The following ABLIM1 variants were observed in gnomAD, a reference collection of about 807,000 sequenced individuals.
ABLIM1 encodes actin binding LIM protein 1.
A neutral mutation model predicts 107.0 loss-of-function variants in ABLIM1; 40 were observed. That is an observed-to-expected ratio of 0.37 (90% CI 0.29 to 0.49). ABLIM1 has a LOEUF of 0.49. ABLIM1 is among the 20% of genes least tolerant of loss of function. The probability of loss-of-function intolerance (pLI) is 0.97; values close to 1 mark genes in which losing one functional copy is unlikely to be tolerated. For missense variants in ABLIM1, 857 were observed against 1,008.5 expected (o/e 0.85, Z 2.04); for synonymous variants, 357 against 357.3 (o/e 1.00, Z 0.01).
chr10:114,730,827 C>T (rs932296469), intron 1 of ABLIM1, among the ~76,000 whole-genome samples: 1 of 152,070 alleles, frequency 6.6e-6, no homozygotes, highest in Non-Finnish European at 1.5e-5. Flanking sequence ...CATTCCCCCT[C>T]CTCCAGGCCA....
intron 1 of ABLIM1, among the ~76,000 whole-genome samples, chr10:114,739,621 T>C (rs1159862666): frequency 6.6e-6 from 1 of 152,232 alleles, no homozygotes; most frequent in Non-Finnish European, 1.5e-5. Flanking sequence ...TTTCCCATCA[T>C]ATATGCATTG....
chr10:114,481,812 G>A (rs548254580), intron 8 of ABLIM1, among the ~76,000 whole-genome samples: 1 of 152,230 alleles, frequency 6.6e-6, no homozygotes, highest in African/African-American at 2.4e-5. Context: ...GTGAAAGCTG[G>A]GAGTAAAACA....
chr10:114,493,293 C>A (rs2059248764), intron 6 of ABLIM1, among the ~76,000 whole-genome samples: 1 of 152,168 alleles, frequency 6.6e-6, no homozygotes, highest in African/African-American at 2.4e-5. Context: ...TCCGGGCAAT[C>A]TCTGGACTCT....
intron 1 of ABLIM1, among the ~76,000 whole-genome samples, chr10:114,712,583 C>T (rs2081577068): frequency 6.6e-6 from 1 of 152,152 alleles, no homozygotes; most frequent in South Asian, 2.1e-4. Flanking sequence ...ACCCAGCTCC[C>T]CGAAGCCATG....
At chr10:114,726,966 T>A (rs2081974032) in intron 1 of ABLIM1, among the ~76,000 whole-genome samples, 1 of 152,202 alleles carries the variant, frequency 6.6e-6, no homozygotes, top group Non-Finnish European at 1.5e-5. Context: ...CAATTCAACT[T>A]GGTCTACCTT....
chr10:114,466,517 C>T (rs2065199423), intron 11 of ABLIM1, among the ~76,000 whole-genome samples: 1 of 152,064 alleles, frequency 6.6e-6, no homozygotes, highest in Non-Finnish European at 1.5e-5. Flanking sequence ...AAACATGGTT[C>T]CAAGCTGGTA....
At chr10:114,781,020 C>G in the ABLIM1 span, among the ~76,000 whole-genome samples, 7 of 152,280 alleles carry the variant, frequency 4.6e-5, no homozygotes, top group Non-Finnish European at 8.8e-5. Context: ...ACTCTGGTAG[C>G]CCCGTGGTTG....
At chr10:114,609,640 C>G (rs970477761) in intron 1 of ABLIM1, among the ~76,000 whole-genome samples, 3 of 152,182 alleles carry the variant, frequency 2.0e-5, no homozygotes, top group African/African-American at 7.2e-5. Context: ...CTATACTTCT[C>G]AGTTCAATGT....
intron 1 of ABLIM1, among the ~76,000 whole-genome samples, chr10:114,766,169 T>C (rs2082888265): frequency 6.6e-6 from 1 of 152,214 alleles, no homozygotes; most frequent in Non-Finnish European, 1.5e-5. Flanking sequence ...GGGGAGGTAA[T>C]AACAATAGCT....
intron 4 of ABLIM1, among the ~76,000 whole-genome samples, chr10:114,560,322 A>C (rs1440868411): frequency 6.6e-6 from 1 of 152,242 alleles, no homozygotes; most frequent in Non-Finnish European, 1.5e-5. Context: ...CCATAAAGAA[A>C]TGAAGTACAG....
intron 1 of ABLIM1, among the ~76,000 whole-genome samples, chr10:114,626,880 C>T (rs943289026): frequency 1.3e-5 from 2 of 152,058 alleles, no homozygotes; most frequent in South Asian, 4.2e-4. Flanking sequence ...GGGAGAATGC[C>T]CTGTGAACAT....
chr10:114,596,241 T>C (rs554429510), intron 2 of ABLIM1, among the ~76,000 whole-genome samples: 2 of 152,362 alleles, frequency 1.3e-5, no homozygotes, highest in Non-Finnish European at 2.9e-5. Flanking sequence ...CCTCCTGGCC[T>C]GCATGCTATG....
chr10:114,505,696 C>T (rs1369570828), intron 6 of ABLIM1, among the ~76,000 whole-genome samples: 1 of 152,184 alleles, frequency 6.6e-6, no homozygotes, highest in Non-Finnish European at 1.5e-5. Flanking sequence ...GATCCCAATT[C>T]AGTGGGATTC....
At chr10:114,776,914 A>G in the ABLIM1 span, among the ~76,000 whole-genome samples, 12 of 152,304 alleles carry the variant, frequency 7.9e-5, no homozygotes, top group African/African-American at 2.6e-4. Flanking sequence ...CATCACACCC[A>G]GCCTAAAATG....
intron 8 of ABLIM1, chr10:114,485,353 C>G: frequency 6.2e-7 from 1 of 1,612,518 alleles, no homozygotes. Flanking sequence ...TAAAAGAAAT[C>G]GGATGAAGAA....
the ABLIM1 span, among the ~76,000 whole-genome samples, chr10:114,792,281 A>G: frequency 4.6e-5 from 7 of 152,180 alleles, no homozygotes; most frequent in Non-Finnish European, 1.0e-4. Context: ...AGATCACACC[A>G]CTGCATTCTA....
chr10:114,571,482 C>T (rs1290884651), intron 3 of ABLIM1, 76 bp from the exon 4 acceptor site: 5 of 1,360,512 alleles, frequency 3.7e-6, no homozygotes, highest in African/African-American at 2.9e-5. Context: ...CTGCTTGCTG[C>T]CCTCCGGTGC....
At chr10:114,766,699 C>G (rs1032724171) in intron 1 of ABLIM1, among the ~76,000 whole-genome samples, 9 of 152,256 alleles carry the variant, frequency 5.9e-5, no homozygotes, top group African/African-American at 2.2e-4. Flanking sequence ...AGATTTACAA[C>G]TTATAAGAGA....
intron 12 of ABLIM1, among the ~76,000 whole-genome samples, chr10:114,459,646 G>C (rs2063479311): frequency 6.6e-6 from 1 of 151,864 alleles, no homozygotes; most frequent in Non-Finnish European, 1.5e-5. Context: ...TTTAAGGTTG[G>C]CAAAAAGCTC....
Sources: allele counts gnomAD v4.1 joint callset (sites outside exome capture counted in the v4.1 genomes callset), GRCh38; gene constraint gnomAD v4.1.1; transcripts MANE v1.5; gene names NCBI Gene and HGNC (gene_info 2026-07-23, HGNC 2026-07-21).